Variants in DLG2 observed in about 807,000 individuals in gnomAD.
DLG2 encodes the protein discs large MAGUK scaffold protein 2.
DLG2 carries 45 observed loss-of-function variants against 132.5 expected under a neutral mutation model. That is an observed-to-expected ratio of 0.34 (90% confidence interval 0.27 to 0.44). The LOEUF (loss-of-function observed/expected upper bound fraction) is 0.44. Among genes scored for constraint, DLG2 ranks in the 20% least tolerant of loss-of-function variants. The pLI is 1.00. For synonymous variants in DLG2, 424 were observed against 419.6 expected (o/e 1.01, Z -0.13); for missense variants, 1,045 against 1,196.9 (o/e 0.87, Z 1.87).
intron 6 of DLG2, among the ~76,000 whole-genome samples, chr11:84,593,801 T>A (rs2099549822): frequency 6.6e-6 from 1 of 152,118 alleles, no homozygotes; most frequent in Admixed American, 6.5e-5. Context: ...TATTATAATT[T>A]AAAAAAAGAA....
intron 15 of DLG2, among the ~76,000 whole-genome samples, chr11:83,918,996 A>G (rs72947723): frequency 0.079 from 12,033 of 152,282 alleles, 656 homozygotes; most frequent in Middle Eastern, 0.2. Flanking sequence ...ACTCAAAGCA[A>G]TTGGGACAGT....
At chr11:84,960,686 G>A (rs1217351723) in intron 6 of DLG2, among the ~76,000 whole-genome samples, 9 of 151,854 alleles carry the variant, frequency 5.9e-5, no homozygotes, top group East Asian at 1.9e-4. Context: ...CAATCCACCC[G>A]CCTTGGCTTC....
chr11:83,845,152 T>C (rs993093243), intron 16 of DLG2, among the ~76,000 whole-genome samples: 2 of 152,166 alleles, frequency 1.3e-5, no homozygotes, highest in African/African-American at 4.8e-5. Flanking sequence ...ATGGGAAGTC[T>C]ACAGCTAGTC....
rs1310773878 is a variant in DLG2 at position 83,767,269 on chromosome 11, C to T, written c.1825+19421G>A. Reference sequence around the variant, plus strand: ...CCCTCTACTTTTAAGTTCTGGGGTACATGTGCAAAATGTGAGGATTTGTTA... The same window carrying T: ...CCCTCTACTTTTAAGTTCTGGGGTATATGTGCAAAATGTGAGGATTTGTTA... On this transcript the variant is annotated intron_variant, in intron 18 of 27. Coordinates refer to ENST00000376104, the MANE Select transcript of DLG2 (RefSeq NM_001142699.3). Among the ~76,000 whole-genome samples the T allele has an allele frequency of 2.0e-5, 3 of 152,214 alleles. No homozygotes were observed. The East Asian group carries it at 5.8e-4, about 29-fold the overall frequency.
At chr11:85,502,450 A>G (rs2093826680) in intron 3 of DLG2, among the ~76,000 whole-genome samples, 1 of 150,826 alleles carries the variant, frequency 6.6e-6, no homozygotes, top group Admixed American at 6.6e-5. Flanking sequence ...GCACATATAT[A>G]CCATGGAATA....
intron 19 of DLG2, among the ~76,000 whole-genome samples, chr11:83,606,687 G>A (rs1452182333): frequency 1.3e-5 from 2 of 151,782 alleles, no homozygotes; most frequent in Non-Finnish European, 1.5e-5. Context: ...CAGCACTTTG[G>A]GAGGCTGAGG....
intron 6 of DLG2, among the ~76,000 whole-genome samples, chr11:84,536,164 A>C (rs2099355151): frequency 6.6e-6 from 1 of 152,158 alleles, no homozygotes. Flanking sequence ...ACAATGCCAT[A>C]ACTGCAGTTT....
chr11:83,473,063 G>T (rs2092261343), intron 22 of DLG2, among the ~76,000 whole-genome samples: 1 of 152,082 alleles, frequency 6.6e-6, no homozygotes, highest in Admixed American at 6.6e-5. Flanking sequence ...GGAATGCCAT[G>T]GCCTCTACAC....
In DLG2 at chr11:84,021,618, A is replaced by G. The variant is rs2095396478; in HGVS notation, c.919+37697T>C. Among the ~76,000 whole-genome samples the G allele has an allele frequency of 3.3e-5, 5 of 152,232 alleles. No homozygotes were observed. In the South Asian group the frequency reaches 1.0e-3, roughly 32 times the overall value. On this transcript the variant is annotated intron_variant, in intron 11 of 27. Coordinates refer to ENST00000376104, the MANE Select transcript of DLG2 (RefSeq NM_001142699.3). ...TACCTGTGGGTGGAATTCCAGGTAG[A>G]GAAAGAAATCACTGCCGTCTAGATA...
chr11:85,533,476 T>TATATATATATAA (rs1233917527), intron 3 of DLG2, among the ~76,000 whole-genome samples: 1,730 of 148,524 alleles, frequency 0.012, 22 homozygotes, highest in Admixed American at 0.023. Flanking sequence ...TATATATATA[T>TATATATATATAA]AATTCTTTTT....
At chr11:85,095,250 T>A (rs866751466) in intron 6 of DLG2, among the ~76,000 whole-genome samples, 1 of 152,180 alleles carries the variant, frequency 6.6e-6, no homozygotes, top group Non-Finnish European at 1.5e-5. Flanking sequence ...CAGAGAGACA[T>A]GAAGTGAGCA....
chr11:83,820,663 T>C (rs530581109), intron 17 of DLG2, among the ~76,000 whole-genome samples: 1 of 152,276 alleles, frequency 6.6e-6, no homozygotes, highest in South Asian at 2.1e-4. Context: ...CAGAAAATAC[T>C]GTGGGCCTGA....
At chr11:84,037,403 A>T (rs147293234) in intron 11 of DLG2, among the ~76,000 whole-genome samples, 195 of 152,274 alleles carry the variant, frequency 1.3e-3, no homozygotes, top group Non-Finnish European at 2.1e-3. Flanking sequence ...GACTCATAAA[A>T]TAAAGTCAGT....
intron 18 of DLG2, among the ~76,000 whole-genome samples, chr11:83,716,115 A>G (rs2086633339): frequency 6.6e-6 from 1 of 152,218 alleles, no homozygotes; most frequent in Admixed American, 6.5e-5. Context: ...CTCAATAAAG[A>G]TCTGCTTAGT....
At chr11:84,544,104 C>T (rs1239113950) in intron 6 of DLG2, among the ~76,000 whole-genome samples, 1 of 152,210 alleles carries the variant, frequency 6.6e-6, no homozygotes, top group African/African-American at 2.4e-5. Flanking sequence ...CAGTGCCACC[C>T]TCCATCTGTT....
At chr11:85,142,224 A>C (rs1368744615) in intron 5 of DLG2, among the ~76,000 whole-genome samples, 3 of 151,672 alleles carry the variant, frequency 2.0e-5, no homozygotes, top group Admixed American at 6.6e-5. Flanking sequence ...TGCCCTCTTC[A>C]ATTTCTTTTA....
In DLG2 at chr11:84,791,884, T is replaced by C. The variant is rs142731309; in HGVS notation, c.358-257153A>G. Among the ~76,000 whole-genome samples the C allele has an allele frequency of 7.0e-3, 1,067 of 152,292 alleles. 13 individuals are homozygous for C. The highest frequency in any genetic ancestry group is 0.017 in the Middle Eastern group (5 of 294). ...AGATTATATCATCTACAAACAAGGA[T>C]AATTTGGTATCTGCTTTTCCAACTT... On this transcript the variant is annotated intron_variant, in intron 6 of 27. Transcript: ENST00000376104.
chr11:83,680,158 G>A (rs951792993), intron 18 of DLG2, among the ~76,000 whole-genome samples: 1 of 152,150 alleles, frequency 6.6e-6, no homozygotes, highest in South Asian at 2.1e-4. Flanking sequence ...CGGGTGGGTG[G>A]AGAAAATAGA....
rs148032715 is a variant in DLG2 at position 83,858,156 on chromosome 11, C to T, written c.1565+16264G>A. ...TGCAACGTGTCTGTTTTGCTGAGTACGAGTTCTGATCTATGTAAGGCCAAC... is the reference window on the plus strand; with the variant it reads ...TGCAACGTGTCTGTTTTGCTGAGTATGAGTTCTGATCTATGTAAGGCCAAC... On this transcript the variant is annotated intron_variant, in intron 16 of 27. Coordinates refer to ENST00000376104, the MANE Select transcript of DLG2 (RefSeq NM_001142699.3). Among the ~76,000 whole-genome samples the T allele has an allele frequency of 1.6e-4, 25 of 152,220 alleles. 2 individuals are homozygous for T. In the East Asian group the frequency reaches 4.3e-3, roughly 26 times the overall value.
Sources: allele counts gnomAD v4.1 joint callset (sites outside exome capture counted in the v4.1 genomes callset), GRCh38; gene constraint gnomAD v4.1.1; transcripts MANE v1.5; gene names NCBI Gene and HGNC (gene_info 2026-07-23, HGNC 2026-07-21).